Variants in ZNF678 observed in about 807,000 individuals in gnomAD.
ZNF678 encodes zinc finger protein 678.
In ZNF678, 5 loss-of-function variants were observed where a neutral mutation model predicts 3.0. The ratio of observed to expected loss-of-function variants is 1.69; its 90% CI spans 0.88 to 3.56. The LOEUF (loss-of-function observed/expected upper bound fraction) is 3.56, where lower values mean the gene tolerates loss of function less well. Ranked by LOEUF, ZNF678 falls within the 30% of genes most tolerant of loss-of-function variation. The pLI, the probability that ZNF678 is intolerant of heterozygous loss-of-function variation, is 0.00. For missense variants in ZNF678, 593 were observed against 605.0 expected, an observed-to-expected ratio of 0.98 and a Z score of 0.21; for synonymous variants, 218 against 199.6, an observed-to-expected ratio of 1.09 and a Z score of -0.78.
intron 1 of ZNF678, among the ~76,000 whole-genome samples, chr1:227,588,900 CTTT>C (rs34957575): frequency 6.1e-5 from 9 of 147,392 alleles, no homozygotes; most frequent in African/African-American, 2.2e-4. Flanking sequence ...TGATGTTAAG[CTTT>C]TTTTTTTTTC....
chr1:227,672,321 G>A (rs367993925), intron 5 of ZNF678, among the ~76,000 whole-genome samples: 1 of 152,162 alleles, frequency 6.6e-6, no homozygotes, highest in Admixed American at 6.5e-5. Flanking sequence ...GTGACAGTGG[G>A]TATGGAGAGT....
At chr1:227,673,636 G>A (rs6426473) in intron 5 of ZNF678, among the ~76,000 whole-genome samples, 104,340 of 152,108 alleles carry the variant, frequency 0.69, 36,998 homozygotes, top group African/African-American at 0.87. Flanking sequence ...AGAGATTAAT[G>A]TCTCTCTAAA....
chr1:227,615,290 C>T (rs1035763946), intron 1 of ZNF678, among the ~76,000 whole-genome samples: 10 of 152,182 alleles, frequency 6.6e-5, no homozygotes, highest in Non-Finnish European at 1.0e-4. Context: ...GAGGTAGTTT[C>T]AGGTCATGTT....
intron 5 of ZNF678, among the ~76,000 whole-genome samples, chr1:227,672,578 G>A (rs1458477809): frequency 2.6e-5 from 4 of 152,020 alleles, no homozygotes; most frequent in South Asian, 2.1e-4. Context: ...GGGTCAGGTC[G>A]GTCTGGTTCC....
At chr1:227,667,854 T>G (rs1659529296) in intron 5 of ZNF678, among the ~76,000 whole-genome samples, 1 of 152,172 alleles carries the variant, frequency 6.6e-6, no homozygotes, top group African/African-American at 2.4e-5. Flanking sequence ...ATGAACACAT[T>G]AACCATGAAA....
At chr1:227,651,498 C>T (rs1027207185) in intron 3 of ZNF678, among the ~76,000 whole-genome samples, 4 of 152,126 alleles carry the variant, frequency 2.6e-5, no homozygotes, top group Admixed American at 6.5e-5. Context: ...AGCATCTGAC[C>T]CCAGCTCTCT....
At chr1:227,606,218 T>C (rs1257603970) in intron 1 of ZNF678, among the ~76,000 whole-genome samples, 1 of 152,108 alleles carries the variant, frequency 6.6e-6, no homozygotes, top group Non-Finnish European at 1.5e-5. Context: ...ATTTTCACTA[T>C]CTCTCCAAGG....
intron 1 of ZNF678, among the ~76,000 whole-genome samples, chr1:227,586,152 C>T (rs957967553): frequency 2.6e-5 from 4 of 152,078 alleles, no homozygotes; most frequent in African/African-American, 2.4e-5. Context: ...TGTGAATAAC[C>T]ACTGTACTGC....
intron 1 of ZNF678, among the ~76,000 whole-genome samples, chr1:227,643,662 A>C (rs1435317187): frequency 6.6e-6 from 1 of 152,084 alleles, no homozygotes; most frequent in Non-Finnish European, 1.5e-5. Flanking sequence ...TTTTTAATTA[A>C]AATCTGTGTT....
chr1:227,632,543 C>T (rs1189807701), intron 1 of ZNF678, among the ~76,000 whole-genome samples: 3 of 152,100 alleles, frequency 2.0e-5, no homozygotes, highest in Non-Finnish European at 4.4e-5. Context: ...CTCGGCTTCC[C>T]CCAGGAATAT....
At chr1:227,594,987 T>A (rs1657524210) in intron 1 of ZNF678, among the ~76,000 whole-genome samples, 1 of 152,214 alleles carries the variant, frequency 6.6e-6, no homozygotes, top group South Asian at 2.1e-4. Context: ...ATCTGTGGAT[T>A]ACTGGGTTAA....
chr1:227,657,235 G>A lies in ZNF678; in HGVS notation c.*1407G>A, dbSNP rs1050175535. 6.6e-6 allele frequency: 1 copy of A among 151,848 alleles called. No individual in the cohort carries two copies. The highest frequency in any genetic ancestry group is 1.5e-5 in the Non-Finnish European group (1 of 67,848). The allele number at this position is 151,848 out of a possible 1,614,324, so 9.4% of individuals were successfully genotyped here. On this transcript the variant is annotated 3_prime_UTR_variant, in exon 4 of 4. Transcript: ENST00000343776. ...CAAACAAAAAACTGATATTCCTCTT[G>A]CTTTGTCTTTTGCCATGATACCCCT... is the stretch of plus-strand genomic sequence containing the variant.
chr1:227,655,503 C>T lies in ZNF678; in HGVS notation c.1253C>T (p.Ser418Phe), dbSNP rs370729845. ...TGTGGGAAAGTTTTTAAACAGTGCT[C>T]TCACCTAACTAGCCATAAGAGAATT... is the stretch of plus-strand genomic sequence containing the variant. Reference protein sequence around the residue: ...EECGKVFKQCSHLTSHKRIHT... With the variant: ...EECGKVFKQCFHLTSHKRIHT... The change falls in exon 4 of 4, where the codon TCT becomes TTT. Residue 418 changes from serine (S) to phenylalanine (F), a missense_variant. By Grantham distance (155) the Ser-to-Phe change is radical. Coordinates refer to ENST00000343776, the MANE Select transcript of ZNF678 (RefSeq NM_001367909.1). 5.0e-6 allele frequency: 8 copies of T among 1,612,386 alleles called. No individual in the cohort carries two copies. The African/African-American group carries it at 9.4e-5, about 19-fold the overall frequency.
Position 227,650,937 on chromosome 1 carries a change from G to T in ZNF678, c.-36-19G>T. On this transcript the variant is annotated intron_variant, in intron 2 of 3. Transcript: ENST00000343776. The stretch of plus-strand genomic sequence containing the variant: ...TTTATGGCTTTTAAAAAATTTTCTT[G>T]CCTAATTGTTCTGTCTAGGACTTCC... 3 of 1,511,092 alleles carry T rather than the reference G, an allele frequency of 2.0e-6. No individual in the cohort carries two copies. The highest frequency in any genetic ancestry group is 1.4e-5 in the South Asian group (1 of 73,744). The allele number at this position is 1,511,092 out of a possible 1,614,324, so 93.6% of individuals were successfully genotyped here.
chr1:227,654,602 A>C lies in ZNF678; in HGVS notation c.352A>C (p.Ile118Leu), dbSNP rs780448109. 5 of 1,613,208 alleles carry C rather than the reference A, an allele frequency of 3.1e-6. No individual in the cohort carries two copies. Among genetic ancestry groups the C allele is most frequent in the Non-Finnish European group, 4.2e-6 (5 of 1,179,364 alleles). ...GTCAATCCTTACTGAACATAAGAGA[A>C]TTCATACTGGAGAGAAGCCATACAA... ...WRSILTEHKRIHTGEKPYKCE... is the reference protein window; with the variant it reads ...WRSILTEHKRLHTGEKPYKCE... The change falls in exon 4 of 4, where the codon ATT (isoleucine) becomes CTT (leucine). Residue 118 changes from isoleucine (I) to leucine (L), a missense_variant. Coordinates refer to ENST00000343776, the MANE Select transcript of ZNF678 (RefSeq NM_001367909.1).
At chr1:227,578,330 T>G (rs1051208785) in intron 1 of ZNF678, among the ~76,000 whole-genome samples, 6 of 152,340 alleles carry the variant, frequency 3.9e-5, no homozygotes, top group African/African-American at 1.4e-4. Flanking sequence ...CTGAAATACG[T>G]TTTCCAACTT....
At chr1:227,677,961 G>A (rs1391363623), downstream of ZNF678, among the ~76,000 whole-genome samples, 1 of 152,198 alleles carries the variant, frequency 6.6e-6, no homozygotes, top group African/African-American at 2.4e-5. Context: ...AGAACCAAAA[G>A]TAGAATCTGG....
At chr1:227,636,887 A>G (rs546534850) in intron 1 of ZNF678, among the ~76,000 whole-genome samples, 6 of 152,298 alleles carry the variant, frequency 3.9e-5, no homozygotes, top group African/African-American at 1.4e-4. Context: ...TTCTTTCCAG[A>G]CGGATGAGTG....
chr1:227,679,033 A>C (rs1032459236), downstream of ZNF678, among the ~76,000 whole-genome samples: 1 of 152,186 alleles, frequency 6.6e-6, no homozygotes, highest in Non-Finnish European at 1.5e-5. Context: ...AAATGCCCAT[A>C]ACTTACCAGC....
Sources: allele counts gnomAD v4.1 joint callset (sites outside exome capture counted in the v4.1 genomes callset), GRCh38; gene constraint gnomAD v4.1.1; transcripts MANE v1.5; gene names NCBI Gene and HGNC (gene_info 2026-07-23, HGNC 2026-07-21).